The following CFAP92 variants were observed in gnomAD, a reference collection of about 807,000 sequenced individuals.
CFAP92 encodes the protein cilia and flagella associated protein 92 (putative), also known as uncharacterized protein CFAP92.
A neutral mutation model predicts 106.3 loss-of-function variants in CFAP92; 86 were observed. The ratio of observed to expected loss-of-function variants is 0.81; its 90% CI spans 0.68 to 0.97. The LOEUF is 0.97. Among genes scored for constraint, CFAP92 ranks in the 50% least tolerant of loss-of-function variants. The pLI, the probability that CFAP92 is intolerant of heterozygous loss-of-function variation, is 0.00. For synonymous variants in CFAP92, 477 were observed against 506.4 expected, an observed-to-expected ratio of 0.94 and a Z score of 0.78; for missense variants, 1,204 against 1,283.8, an observed-to-expected ratio of 0.94 and a Z score of 0.95.
At chr3:128,990,162 T>C (rs1944125451) in intron 2 of CFAP92, among the ~76,000 whole-genome samples, 1 of 152,260 alleles carries the variant, frequency 6.6e-6, no homozygotes, top group Non-Finnish European at 1.5e-5. Context: ...AATGGAATAC[T>C]GTTAATATAT....
chr3:128,934,908 A>G (rs951094452), intron 11 of CFAP92, among the ~76,000 whole-genome samples: 1 of 152,154 alleles, frequency 6.6e-6, no homozygotes, highest in South Asian at 2.1e-4. Flanking sequence ...ATGGGTTTTA[A>G]CCAGCCACTC....
At chr3:128,917,763 A>C (rs1936938528) in intron 12 of CFAP92, among the ~76,000 whole-genome samples, 1 of 152,266 alleles carries the variant, frequency 6.6e-6, no homozygotes, top group South Asian at 2.1e-4. Context: ...GAACGAATGA[A>C]TGAACTGGAA....
chr3:128,914,445 G>A (rs1456841697), intron 15 of CFAP92, among the ~76,000 whole-genome samples: 3 of 152,228 alleles, frequency 2.0e-5, no homozygotes, highest in African/African-American at 4.8e-5. Flanking sequence ...GTCCTTAGGA[G>A]TCGAGGAGGA....
intron 1 of CFAP92, chr3:129,001,977 T>C (rs1944790752): frequency 4.5e-6 from 7 of 1,544,950 alleles, no homozygotes; most frequent in African/African-American, 1.4e-5. Flanking sequence ...GGCCGCTGAG[T>C]TGGCCACGGA....
At chr3:128,927,242 A>G (rs918323455) in intron 12 of CFAP92, among the ~76,000 whole-genome samples, 7 of 152,108 alleles carry the variant, frequency 4.6e-5, no homozygotes, top group African/African-American at 1.4e-4. Flanking sequence ...TTAATTTTGG[A>G]CGTTCCAGCC....
At chr3:128,944,511 G>A (rs899777431) in intron 10 of CFAP92, among the ~76,000 whole-genome samples, 7 of 152,066 alleles carry the variant, frequency 4.6e-5, no homozygotes, top group African/African-American at 7.3e-5. Context: ...ACTAAAGGAC[G>A]GAGATCCGAT....
At chr3:128,953,600 CCCCTCTCCCTCTCCCTCT>C (rs1257648783) in intron 9 of CFAP92, among the ~76,000 whole-genome samples, 3 of 93,616 alleles carry the variant, frequency 3.2e-5, no homozygotes, top group Non-Finnish European at 5.9e-5. Context: ...CCTCTCCCTC[CCCCTCTCCCTCTCCCTCT>C]CCCTCCCTCT....
chr3:129,004,966 T>G (rs1945005617), upstream of CFAP92, among the ~76,000 whole-genome samples: 1 of 152,160 alleles, frequency 6.6e-6, no homozygotes, highest in Admixed American at 6.5e-5. Context: ...TCCCTGCCTG[T>G]GGGAGTGGCT....
chr3:128,943,311 C>T (rs893192109), intron 10 of CFAP92, among the ~76,000 whole-genome samples: 2 of 152,160 alleles, frequency 1.3e-5, no homozygotes, highest in African/African-American at 4.8e-5. Context: ...GAACATCCTC[C>T]ACATCCCTAA....
intron 2 of CFAP92, 92 bp from the exon 3 acceptor site, chr3:128,989,010 G>T: frequency 8.3e-6 from 8 of 967,420 alleles, no homozygotes; most frequent in African/African-American, 1.6e-5. Context: ...TGTTGTGAGA[G>T]GCTGAGCACT....
At chr3:128,936,747 A>T (rs1192105444) in intron 10 of CFAP92, among the ~76,000 whole-genome samples, 1 of 151,212 alleles carries the variant, frequency 6.6e-6, no homozygotes. Flanking sequence ...TTGTTATAAA[A>T]CCTCCAACCT....
At chr3:128,994,562 A>G (rs1944408049), upstream of CFAP92, among the ~76,000 whole-genome samples, 3 of 152,300 alleles carry the variant, frequency 2.0e-5, no homozygotes, top group South Asian at 6.2e-4. Flanking sequence ...TGATGTCCTT[A>G]AAATAGCATG....
At chr3:128,962,166 T>G (rs1941978985) in intron 9 of CFAP92, among the ~76,000 whole-genome samples, 1 of 152,238 alleles carries the variant, frequency 6.6e-6, no homozygotes, top group African/African-American at 2.4e-5. Context: ...GCTTAGCGGC[T>G]GAAGACTGAT....
rs1426072648 is a variant in CFAP92, at chr3:129,001,709, GCA to G, written n.117+863_117+864del. On this transcript the variant is annotated intron_variant and non_coding_transcript_variant, in intron 1 of 4. Transcript: ENST00000510149. The stretch of plus-strand genomic sequence containing the variant: ...CGTACCGGCGACCTGCGCGGCGCAC[GCA>G]GTGGCTGCTGAGCGCCCTGGCGCAC... The G allele has an allele frequency of 2.3e-5, 34 of 1,508,318 alleles. No individual in the cohort carries two copies. In the African/African-American group the frequency reaches 4.2e-4, roughly 19 times the overall value. 93.4% of individuals were successfully genotyped at this position (1,508,318 alleles called of 1,614,324 possible).
Position 128,947,661 on chromosome 3 carries a change from T to G in CFAP92, c.1354-1686A>C, listed in dbSNP as rs1484515553. ...ACTTCAACGTAAACCTCACACCATA[T>G]ACAAAAATTCATTCAAAATTGATCA... On this transcript the variant is annotated intron_variant, in intron 9 of 15. Coordinates refer to ENST00000645291, the MANE Select transcript of CFAP92 (RefSeq NM_001394090.1). 2.0e-5 allele frequency among the ~76,000 whole-genome samples: 3 copies of G among 152,146 alleles called. No individual in the cohort carries two copies. The East Asian group carries it at 5.8e-4, about 29-fold the overall frequency.
At chr3:128,916,669 G>A (rs1211038343) in intron 12 of CFAP92, among the ~76,000 whole-genome samples, 4 of 152,224 alleles carry the variant, frequency 2.6e-5, no homozygotes, top group Non-Finnish European at 5.9e-5. Flanking sequence ...TGTCAAGTGT[G>A]CATAAGGATT....
At position 128,932,952 on chromosome 3, in the gene CFAP92, C is replaced by T. The variant is rs577324978; in HGVS notation, c.2499G>A (p.Thr833=). Residue 833 remains threonine (T), a synonymous_variant, in exon 12 of 16, where the codon ACG becomes ACA. Coordinates refer to ENST00000645291, the MANE Select transcript of CFAP92 (RefSeq NM_001394090.1). ...CAGAGGAGGGCAGCAGGTCCCTCAC[C>T]GTCACGTCCCAGAGGGTGGTGCTGT... ...CYNSTTLWDV[T]VRDLLPSSAM... is the part of the protein sequence containing the mutation. The T allele has an allele frequency of 9.8e-6, 15 of 1,536,152 alleles. 1 individual carries two copies. Among genetic ancestry groups the T allele is most frequent in the African/African-American group, 2.7e-5 (2 of 73,156 alleles).
intron 4 of CFAP92, among the ~76,000 whole-genome samples, chr3:128,978,973 AG>A (rs1278850087): frequency 4.6e-5 from 7 of 152,348 alleles, no homozygotes; most frequent in Admixed American, 2.0e-4. Flanking sequence ...ATTAAACTAA[AG>A]AGCTTCTGCA....
chr3:129,001,566 C>T, intron 1 of CFAP92: 7 of 1,348,778 alleles, frequency 5.2e-6, no homozygotes, highest in Non-Finnish European at 4.7e-6. Flanking sequence ...GGGGCCGCCC[C>T]TGGAAGTGGC....
Sources: gnomAD v4.1 joint callset for allele counts (sites outside exome capture counted in the v4.1 genomes callset) on GRCh38, gnomAD v4.1.1 for gene constraint, MANE v1.5 for transcripts, NCBI Gene and HGNC (gene_info 2026-07-23, HGNC 2026-07-21) for gene names.